The following RBFOX1 variants were observed in gnomAD, a reference collection of about 807,000 sequenced individuals.
RBFOX1 encodes the protein RNA binding protein fox-1 homolog 1.
A neutral mutation model predicts 57.7 loss-of-function variants in RBFOX1; 8 were observed. That is an observed-to-expected ratio of 0.14 (90% CI 0.08 to 0.25). The LOEUF is 0.25. RBFOX1 is among the 10% of genes least tolerant of loss of function. The probability of loss-of-function intolerance (pLI) is 1.00; values close to 1 mark genes in which losing one functional copy is unlikely to be tolerated. For synonymous variants in RBFOX1, 326 were observed against 222.4 expected (o/e 1.47, Z -4.15); for missense variants, 611 against 548.5 (o/e 1.11, Z -1.14).
intron 3 of RBFOX1, among the ~76,000 whole-genome samples, chr16:6,824,867 G>T (rs971857757): frequency 1.3e-5 from 2 of 151,044 alleles, no homozygotes; most frequent in African/African-American, 4.9e-5. Flanking sequence ...CATTTCAAAA[G>T]TGAAATAATT....
intron 4 of RBFOX1, among the ~76,000 whole-genome samples, chr16:5,957,299 C>G (rs1300130127): frequency 6.6e-6 from 1 of 152,194 alleles, no homozygotes; most frequent in Non-Finnish European, 1.5e-5. Context: ...ACTGCAACCT[C>G]CACCTCCGGT....
At chr16:7,606,905 T>C (rs148624714) in intron 9 of RBFOX1, among the ~76,000 whole-genome samples, 46 of 152,352 alleles carry the variant, frequency 3.0e-4, no homozygotes, top group African/African-American at 9.9e-4. Context: ...TTCTAATTTT[T>C]GTGAACTTAA....
intron 3 of RBFOX1, among the ~76,000 whole-genome samples, chr16:6,661,164 A>G (rs1029967): frequency 6.6e-6 from 1 of 151,962 alleles, no homozygotes. Flanking sequence ...AATACCACTG[A>G]TTTTTTACTT....
At chr16:6,462,916 G>C (rs1304691645) in intron 2 of RBFOX1, among the ~76,000 whole-genome samples, 1 of 152,026 alleles carries the variant, frequency 6.6e-6, no homozygotes, top group African/African-American at 2.4e-5. Flanking sequence ...TTTTCAATTA[G>C]TTTATCTTTT....
intron 3 of RBFOX1, among the ~76,000 whole-genome samples, chr16:6,955,689 G>GTATGTATTTATTTATTTATTTATT (rs764676268): frequency 1.0e-3 from 124 of 118,706 alleles, no homozygotes; most frequent in African/African-American, 3.2e-3. Context: ...AGGTATGTAT[G>GTATGTATTTATTTATTTATTTATT]TATTTATTTA....
intron 4 of RBFOX1, among the ~76,000 whole-genome samples, chr16:7,219,964 C>A (rs188471846): frequency 2.6e-5 from 4 of 152,220 alleles, no homozygotes; most frequent in Admixed American, 2.6e-4. Flanking sequence ...GAATTCAAAC[C>A]AATTGAATCT....
chr16:5,344,568 C>G (rs2065099969), intron 1 of RBFOX1, among the ~76,000 whole-genome samples: 1 of 152,144 alleles, frequency 6.6e-6, no homozygotes, highest in Non-Finnish European at 1.5e-5. Context: ...ATTCCATACC[C>G]AAAAGGCCAT....
chr16:6,080,459 T>C (rs984897799), intron 1 of RBFOX1, among the ~76,000 whole-genome samples: 2 of 152,184 alleles, frequency 1.3e-5, no homozygotes, highest in Non-Finnish European at 1.5e-5. Flanking sequence ...CTGTGTGCTC[T>C]TGCCAGCAAA....
At chr16:5,850,930 G>A (rs2056882056) in intron 3 of RBFOX1, among the ~76,000 whole-genome samples, 1 of 152,240 alleles carries the variant, frequency 6.6e-6, no homozygotes, top group Admixed American at 6.5e-5. Context: ...AGCCTGGCTG[G>A]AGATGGCATC....
At chr16:7,433,142 C>G (rs1193906099) in intron 4 of RBFOX1, among the ~76,000 whole-genome samples, 2 of 152,198 alleles carry the variant, frequency 1.3e-5, no homozygotes, top group African/African-American at 4.8e-5. Context: ...AGTACTCAAA[C>G]TTGCTGATCC....
intron 4 of RBFOX1, among the ~76,000 whole-genome samples, chr16:7,485,439 T>C (rs979372486): frequency 6.6e-6 from 1 of 152,156 alleles, no homozygotes; most frequent in Non-Finnish European, 1.5e-5. Context: ...GCTCAATAGG[T>C]TTTCCTTGAA....
At chr16:5,827,876 T>C (rs1021490976) in intron 3 of RBFOX1, among the ~76,000 whole-genome samples, 22 of 83,108 alleles carry the variant, frequency 2.6e-4, no homozygotes, top group Admixed American at 2.1e-3. Flanking sequence ...CTTTTGTCCA[T>C]CCATCCATCC....
Position 7,597,403 on chromosome 16 carries a change from T to C in RBFOX1, c.594T>C (p.Asn198=). The C allele has an allele frequency of 6.2e-7, 1 of 1,611,620 alleles. No individual in the cohort carries two copies. Among genetic ancestry groups the C allele is most frequent in the Non-Finnish European group, 8.5e-7 (1 of 1,178,590 alleles). Residue 198 remains asparagine, a synonymous_variant, in exon 9 of 16, where the codon AAT becomes AAC. Coordinates refer to ENST00000550418, the MANE Select transcript of RBFOX1 (RefSeq NM_018723.4). Reference sequence around the variant, plus strand: ...ATGCCACAGCACGTGTAATGACAAATAAAAAGACCGTCAACCCTTATACAA... The same window carrying C: ...ATGCCACAGCACGTGTAATGACAAACAAAAAGACCGTCAACCCTTATACAA... The part of the protein sequence containing the change: ...VNNATARVMT[N]KKTVNPYTNG...
intron 2 of RBFOX1, among the ~76,000 whole-genome samples, chr16:6,436,385 T>G (rs567186106): frequency 1.3e-5 from 2 of 152,304 alleles, no homozygotes; most frequent in Admixed American, 6.5e-5. Context: ...TTCAGTCCTG[T>G]CCTGTGCTAG....
rs112967398 is a variant in RBFOX1 at position 7,236,574 on chromosome 16, T to C, written c.27+184476T>C. Among the ~76,000 whole-genome samples, 1,103 of 152,300 alleles carry C rather than the reference T, an allele frequency of 7.2e-3. 16 individuals carry two copies. Among genetic ancestry groups the C allele is most frequent in the African/African-American group, 0.025 (1,028 of 41,554 alleles). ...GTAATTACTGTCAGATGAACTGATA[T>C]CTCTAAGTTGAAAATGGCCACCTTT... On this transcript the variant is annotated intron_variant, in intron 4 of 15. Transcript: ENST00000550418.
At chr16:5,423,059 G>T (rs1009244955) in intron 1 of RBFOX1, among the ~76,000 whole-genome samples, 3 of 123,546 alleles carry the variant, frequency 2.4e-5, no homozygotes, top group Non-Finnish European at 3.5e-5. Context: ...GGGAAGAGGG[G>T]AGGAAAGAGG....
chr16:7,172,704 T>G (rs1184105531), intron 4 of RBFOX1, among the ~76,000 whole-genome samples: 2 of 152,172 alleles, frequency 1.3e-5, no homozygotes, highest in African/African-American at 4.8e-5. Context: ...AGGGGGATCT[T>G]GACACACAAT....
At chr16:7,344,258 T>G (rs2096952736) in intron 4 of RBFOX1, among the ~76,000 whole-genome samples, 1 of 151,360 alleles carries the variant, frequency 6.6e-6, no homozygotes, top group Admixed American at 6.6e-5. Flanking sequence ...GAGGATCAAA[T>G]CAATTAATAC....
chr16:6,919,562 C>G (rs993288519), intron 3 of RBFOX1, among the ~76,000 whole-genome samples: 3 of 152,042 alleles, frequency 2.0e-5, no homozygotes, highest in African/African-American at 7.2e-5. Flanking sequence ...AGACATTTCT[C>G]CACTTCCTAT....
Sources: gnomAD v4.1 joint callset for allele counts (sites outside exome capture counted in the v4.1 genomes callset) on GRCh38, gnomAD v4.1.1 for gene constraint, MANE v1.5 for transcripts, NCBI Gene and HGNC (gene_info 2026-07-23, HGNC 2026-07-21) for gene names.